Variants in JAKMIP2 observed in about 807,000 individuals in gnomAD.
JAKMIP2 encodes janus kinase and microtubule interacting protein 2.
A neutral mutation model predicts 115.0 loss-of-function variants in JAKMIP2; 25 were observed. That is an observed-to-expected ratio of 0.22 (90% CI 0.16 to 0.30). JAKMIP2 has a LOEUF of 0.30. JAKMIP2 is among the 10% of genes least tolerant of loss of function. The pLI, the probability that JAKMIP2 is intolerant of heterozygous loss-of-function variation, is 1.00. For synonymous variants in JAKMIP2, 334 were observed against 343.6 expected, an observed-to-expected ratio of 0.97 and a Z score of 0.31; for missense variants, 642 against 957.6, an observed-to-expected ratio of 0.67 and a Z score of 4.35.
At position 147,591,563 on chromosome 5, in the gene JAKMIP2, T is replaced by A. The variant is rs954040397; in HGVS notation, c.*144A>T. On this transcript the variant is annotated 3_prime_UTR_variant, in exon 22 of 22. Transcript: ENST00000616793. ...ATAATGGCTTTAAAATACACAGTTG[T>A]AGTCCTGGCTACAGGGTAGTTCTTA... The A allele has an allele frequency of 1.1e-4, 89 of 839,662 alleles. No individual in the cohort carries two copies. The highest frequency in any genetic ancestry group is 1.5e-4 in the Admixed American group (7 of 46,912). The allele number at this position is 839,662 out of a possible 1,614,324, so 52.0% of individuals were successfully genotyped here.
At chr5:147,721,204 G>C (rs183844741) in intron 1 of JAKMIP2, among the ~76,000 whole-genome samples, 16,928 of 151,090 alleles carry the variant, frequency 0.11, 1,127 homozygotes, top group Middle Eastern at 0.19. Flanking sequence ...CAGTCTGCCC[G>C]TTCTCAGATC....
intron 1 of JAKMIP2, among the ~76,000 whole-genome samples, chr5:147,725,526 G>A (rs1449546583): frequency 1.3e-5 from 2 of 152,120 alleles, no homozygotes; most frequent in East Asian, 3.9e-4. Flanking sequence ...GGACTATCCT[G>A]AGGAGATCCC....
At chr5:147,742,163 T>TTTTA (rs1413650418) in intron 1 of JAKMIP2, among the ~76,000 whole-genome samples, 3 of 90,610 alleles carry the variant, frequency 3.3e-5, no homozygotes, top group African/African-American at 1.8e-4. Flanking sequence ...ATATTTTTTT[T>TTTTA]ACTATTGTAT....
intron 1 of JAKMIP2, among the ~76,000 whole-genome samples, chr5:147,742,156 T>TATA (rs1554084271): frequency 7.1e-5 from 6 of 84,064 alleles, no homozygotes; most frequent in Non-Finnish European, 8.6e-5. Flanking sequence ...TATATATATA[T>TATA]TTTTTTTACT....
chr5:147,692,212 A>T (rs1751892556), intron 1 of JAKMIP2, among the ~76,000 whole-genome samples: 1 of 152,244 alleles, frequency 6.6e-6, no homozygotes, highest in Admixed American at 6.5e-5. Flanking sequence ...GTAAAAATGA[A>T]GGCAGAGATT....
chr5:147,748,690 G>A (rs1176195410), intron 1 of JAKMIP2, among the ~76,000 whole-genome samples: 2 of 152,254 alleles, frequency 1.3e-5, no homozygotes, highest in Admixed American at 1.3e-4. Flanking sequence ...CACTGGCCAG[G>A]TAGAGAACCC....
At chr5:147,762,164 C>T (rs1182373807) in intron 1 of JAKMIP2, among the ~76,000 whole-genome samples, 4 of 152,078 alleles carry the variant, frequency 2.6e-5, no homozygotes, top group South Asian at 4.1e-4. Context: ...CACACATGCA[C>T]AGATAAATAT....
intron 3 of JAKMIP2, among the ~76,000 whole-genome samples, chr5:147,659,495 C>T (rs1317822488): frequency 6.6e-6 from 1 of 152,172 alleles, no homozygotes; most frequent in Non-Finnish European, 1.5e-5. Flanking sequence ...TTGGCCCCTC[C>T]CCTTCACGTT....
chr5:147,645,722 T>G (rs1423596446), intron 5 of JAKMIP2, among the ~76,000 whole-genome samples: 1 of 152,270 alleles, frequency 6.6e-6, no homozygotes, highest in East Asian at 1.9e-4. Context: ...GATGTTTTTT[T>G]GATGTAAGGT....
chr5:147,611,157 C>T (rs1678056541), intron 20 of JAKMIP2, among the ~76,000 whole-genome samples: 2 of 152,198 alleles, frequency 1.3e-5, no homozygotes, highest in African/African-American at 4.8e-5. Flanking sequence ...GACCACTTGG[C>T]TCCCTGGCTT....
At chr5:147,773,077 T>C (rs1056557554) in intron 1 of JAKMIP2, among the ~76,000 whole-genome samples, 1 of 152,152 alleles carries the variant, frequency 6.6e-6, no homozygotes. Context: ...CGCTAACGCA[T>C]TAACTACTGG....
intron 1 of JAKMIP2, among the ~76,000 whole-genome samples, chr5:147,725,316 T>TGCACCC (rs1185746548): frequency 4.0e-4 from 61 of 152,280 alleles, no homozygotes; most frequent in African/African-American, 1.4e-3. Flanking sequence ...ATTTTAAGTA[T>TGCACCC]AAACAGGTGA....
intron 1 of JAKMIP2, among the ~76,000 whole-genome samples, chr5:147,743,977 C>T (rs1372714724): frequency 1.4e-5 from 2 of 145,092 alleles, no homozygotes; most frequent in Non-Finnish European, 3.0e-5. Flanking sequence ...CCTTCTCCCT[C>T]CCTTCCTTCC....
rs987567622 is a variant in JAKMIP2, at chr5:147,586,170, T to G, written c.*5537A>C. On this transcript the variant is annotated 3_prime_UTR_variant, in exon 22 of 22. Transcript: ENST00000616793. ...AAACACTAAATGCTCGACAAAAACA[T>G]GAGTTCCCAGCAGAAGCAGCAGCAG... is the stretch of plus-strand genomic sequence containing the variant. The G allele has an allele frequency of 6.6e-6, 1 of 152,032 alleles. No individual in the cohort carries two copies. Among genetic ancestry groups the G allele is most frequent in the African/African-American group, 2.4e-5 (1 of 41,358 alleles). The allele number at this position is 152,032 out of a possible 1,614,324, so 9.4% of individuals were successfully genotyped here.
chr5:147,627,526 A>C (rs73268130), intron 16 of JAKMIP2, among the ~76,000 whole-genome samples: 9,336 of 152,008 alleles, frequency 0.061, 817 homozygotes, highest in African/African-American at 0.19. Context: ...AGAGATAATG[A>C]GGCATTTGCT....
intron 1 of JAKMIP2, among the ~76,000 whole-genome samples, chr5:147,742,154 TA>T (rs200431117): frequency 1.8e-4 from 18 of 101,184 alleles, no homozygotes; most frequent in Admixed American, 6.8e-4. Context: ...TATATATATA[TA>T]TTTTTTTTAC....
intron 16 of JAKMIP2, among the ~76,000 whole-genome samples, chr5:147,627,215 G>C (rs536541539): frequency 5.9e-5 from 9 of 152,262 alleles, no homozygotes; most frequent in African/African-American, 2.2e-4. Flanking sequence ...CATGGGAGCA[G>C]TAGCACAGGC....
At chr5:147,742,157 T>TATATATATATATATATATATA (rs1561571114) in intron 1 of JAKMIP2, among the ~76,000 whole-genome samples, 1 of 84,976 alleles carries the variant, frequency 1.2e-5, no homozygotes, top group African/African-American at 6.6e-5. Flanking sequence ...ATATATATAT[T>TATATATATATATATATATATA]TTTTTTACTA....
At chr5:147,630,242 A>AT (rs1183134318) in intron 14 of JAKMIP2, among the ~76,000 whole-genome samples, 3 of 152,108 alleles carry the variant, frequency 2.0e-5, no homozygotes, top group Non-Finnish European at 4.4e-5. Context: ...GTGCAGTACC[A>AT]TTTTTTTAAA....
Sources: allele counts gnomAD v4.1 joint callset (sites outside exome capture counted in the v4.1 genomes callset), GRCh38; gene constraint gnomAD v4.1.1; transcripts MANE v1.5; gene names NCBI Gene and HGNC (gene_info 2026-07-23, HGNC 2026-07-21).